ADGRL3: variants seen among roughly 807,000 people sequenced by gnomAD.
ADGRL3 encodes the protein calcium-independent alpha-latrotoxin receptor 3.
ADGRL3 carries 62 observed loss-of-function variants against 153.5 expected under a neutral mutation model. The ratio of observed to expected loss-of-function variants is 0.40; its 90% CI spans 0.33 to 0.50. The LOEUF is 0.50. Ranked by LOEUF, ADGRL3 falls within the 20% of genes least tolerant of loss-of-function variation. ADGRL3 has a pLI of 0.47. For synonymous variants in ADGRL3, 710 were observed against 672.5 expected (o/e 1.06, Z -0.86); for missense variants, 1,641 against 1,859.4 (o/e 0.88, Z 2.16).
intron 4 of ADGRL3, among the ~76,000 whole-genome samples, chr4:61,534,970 A>C (rs1287791510): frequency 6.6e-6 from 1 of 152,090 alleles, no homozygotes; most frequent in African/African-American, 2.4e-5. Context: ...TTCCAATACT[A>C]TGTTGAATAG....
At chr4:62,035,954 A>T (rs1041906491) in intron 23 of ADGRL3, among the ~76,000 whole-genome samples, 1 of 152,152 alleles carries the variant, frequency 6.6e-6, no homozygotes, top group Non-Finnish European at 1.5e-5. Flanking sequence ...ATAGTTAAAA[A>T]GTAGAAGTTT....
chr4:61,429,145 C>A (rs185061331), intron 2 of ADGRL3, among the ~76,000 whole-genome samples: 2 of 152,162 alleles, frequency 1.3e-5, no homozygotes, highest in Admixed American at 6.6e-5. Flanking sequence ...GTTAGCACAG[C>A]CAACAATCAC....
Position 61,678,456 on chromosome 4 carries a change from G to A in ADGRL3, c.583+1521G>A, listed in dbSNP as rs193247394. On this transcript the variant is annotated intron_variant, in intron 6 of 26. Coordinates refer to ENST00000683033, the MANE Select transcript of ADGRL3 (RefSeq NM_001387552.1). ...TCAATTTCCTGTATTACTTTAAAAT[G>A]TCTTTGAGGATAGCCACTTCAAAAT... 3.0e-3 allele frequency among the ~76,000 whole-genome samples: 457 copies of A among 151,974 alleles called. 2 individuals are homozygous for A. Among genetic ancestry groups the A allele is most frequent in the Non-Finnish European group, 4.6e-3 (311 of 67,884 alleles).
chr4:61,793,247 A>G (rs184855240), intron 8 of ADGRL3, among the ~76,000 whole-genome samples: 2,445 of 152,050 alleles, frequency 0.016, 63 homozygotes, highest in African/African-American at 0.056. Flanking sequence ...ACATGGTGAA[A>G]CCCCGTCTCT....
intron 2 of ADGRL3, among the ~76,000 whole-genome samples, chr4:61,425,629 G>A (rs934977829): frequency 2.6e-5 from 4 of 152,212 alleles, no homozygotes; most frequent in Non-Finnish European, 5.9e-5. Flanking sequence ...CCAGGGTGGT[G>A]CTCCCCATGG....
chr4:61,546,239 A>G (rs914134349), intron 4 of ADGRL3, among the ~76,000 whole-genome samples: 4 of 152,134 alleles, frequency 2.6e-5, no homozygotes, highest in East Asian at 1.9e-4. Context: ...AACTCCCTGC[A>G]TTGGTTTACA....
intron 1 of ADGRL3, among the ~76,000 whole-genome samples, chr4:61,258,510 A>G (rs1305137568): frequency 2.0e-5 from 3 of 152,180 alleles, no homozygotes; most frequent in Non-Finnish European, 4.4e-5. Flanking sequence ...GGGCACTGCA[A>G]ATAGCATCTG....
intron 25 of ADGRL3, among the ~76,000 whole-genome samples, chr4:62,049,203 A>T (rs978506309): frequency 1.3e-5 from 2 of 152,148 alleles, no homozygotes; most frequent in Admixed American, 6.6e-5. Flanking sequence ...TTTGAATCAC[A>T]AAAGAGTGCC....
Position 61,292,629 on chromosome 4 carries a change from A to C in ADGRL3, c.-239-90495A>C, listed in dbSNP as rs142576958. Among the ~76,000 whole-genome samples the C allele has an allele frequency of 1.3e-3, 202 of 152,292 alleles. 1 individual carries two copies. The Middle Eastern group carries it at 0.037, about 28-fold the overall frequency. Reference sequence around the variant, plus strand: ...TCCGATGCATGGTCGTACTAGAGTGAATAACACAAATACCAGAGCATCTGT... The same window carrying C: ...TCCGATGCATGGTCGTACTAGAGTGCATAACACAAATACCAGAGCATCTGT... On this transcript the variant is annotated intron_variant, in intron 1 of 26. Coordinates refer to ENST00000683033, the MANE Select transcript of ADGRL3 (RefSeq NM_001387552.1).
intron 1 of ADGRL3, among the ~76,000 whole-genome samples, chr4:61,275,568 C>T (rs746214911): frequency 3.3e-5 from 5 of 152,126 alleles, no homozygotes; most frequent in African/African-American, 1.2e-4. Flanking sequence ...CCTGCATAGT[C>T]GATCTAGTCT....
At chr4:61,354,599 T>C (rs77567766) in intron 1 of ADGRL3, among the ~76,000 whole-genome samples, 4,088 of 151,456 alleles carry the variant, frequency 0.027, 168 homozygotes, top group African/African-American at 0.091. Flanking sequence ...TGTGTGTGTG[T>C]GCGCTTTAGT....
intron 5 of ADGRL3, among the ~76,000 whole-genome samples, chr4:61,666,458 G>A (rs537188767): frequency 4.6e-5 from 7 of 151,372 alleles, no homozygotes; most frequent in Non-Finnish European, 7.4e-5. Context: ...CCAGTCATGC[G>A]GAGAGGACAT....
At chr4:61,600,842 AC>A (rs926683647) in intron 5 of ADGRL3, among the ~76,000 whole-genome samples, 4 of 152,228 alleles carry the variant, frequency 2.6e-5, no homozygotes, top group Non-Finnish European at 4.4e-5. Context: ...TCTAAAAAAA[AC>A]ATGGTATATT....
intron 25 of ADGRL3, among the ~76,000 whole-genome samples, chr4:62,067,541 T>A (rs1743618178): frequency 6.6e-6 from 1 of 151,918 alleles, no homozygotes; most frequent in Admixed American, 6.6e-5. Flanking sequence ...AACCTTTGAA[T>A]ATGAGCTCCA....
intron 4 of ADGRL3, among the ~76,000 whole-genome samples, chr4:61,569,954 A>C (rs561214924): frequency 7.9e-5 from 12 of 152,262 alleles, no homozygotes; most frequent in Non-Finnish European, 1.8e-4. Flanking sequence ...CATTGTATGA[A>C]TACCCTACAT....
chr4:62,004,148 G>T (rs1376901037), intron 21 of ADGRL3, among the ~76,000 whole-genome samples: 1 of 151,810 alleles, frequency 6.6e-6, no homozygotes, highest in Non-Finnish European at 1.5e-5. Flanking sequence ...AAAATCAAAT[G>T]GACATATTCC....
chr4:61,406,008 T>C (rs972210535), intron 2 of ADGRL3, among the ~76,000 whole-genome samples: 1 of 151,988 alleles, frequency 6.6e-6, no homozygotes, highest in Non-Finnish European at 1.5e-5. Flanking sequence ...ATAAACAAAC[T>C]TCAAACATTT....
chr4:61,299,267 T>C (rs2094507739), intron 1 of ADGRL3, among the ~76,000 whole-genome samples: 1 of 152,180 alleles, frequency 6.6e-6, no homozygotes, highest in South Asian at 2.1e-4. Context: ...TATTAATTTA[T>C]ACAGCATCAT....
chr4:61,464,039 A>C (rs543010713), intron 2 of ADGRL3, among the ~76,000 whole-genome samples: 17 of 152,200 alleles, frequency 1.1e-4, no homozygotes, highest in Admixed American at 2.0e-4. Flanking sequence ...TCTACTTAAC[A>C]CATGAAAGCA....
Sources: gnomAD v4.1 joint callset for allele counts (sites outside exome capture counted in the v4.1 genomes callset) on GRCh38, gnomAD v4.1.1 for gene constraint, MANE v1.5 for transcripts, NCBI Gene and HGNC (gene_info 2026-07-23, HGNC 2026-07-21) for gene names.